CYLC2: variants seen among roughly 807,000 people sequenced by gnomAD.
CYLC2 encodes the protein cylicin-2.
A neutral mutation model predicts 26.1 loss-of-function variants in CYLC2; 30 were observed. The observed-to-expected ratio is 1.15, with a 90% CI of 0.86 to 1.56. The LOEUF (loss-of-function observed/expected upper bound fraction) is 1.56, where lower values mean the gene tolerates loss of function less well. Ranked by LOEUF, CYLC2 falls within the 40% of genes most tolerant of loss-of-function variation. CYLC2 has a pLI of 0.00. For missense variants in CYLC2, 498 were observed against 394.4 expected (o/e 1.26, Z -2.23); for synonymous variants, 158 against 132.8 (o/e 1.19, Z -1.31).
rs767451176 is a variant in CYLC2 at position 102,995,434 on chromosome 9, C to T, written c.17+37C>T. 7.4e-6 allele frequency: 11 copies of T among 1,487,942 alleles called. No homozygotes were observed. In the South Asian group the frequency reaches 1.2e-4, roughly 17 times the overall value. 92.2% of individuals were successfully genotyped at this position (1,487,942 alleles called of 1,614,324 possible). On this transcript the variant is annotated intron_variant, in intron 1 of 7. Coordinates refer to ENST00000374798, the MANE Select transcript of CYLC2 (RefSeq NM_001340.5). Reference sequence around the variant, plus strand: ...TTTATGTTTTAAAATAACTGAAATACTCGTTAGCTTTACATTTAACTTCTT... The same window carrying T: ...TTTATGTTTTAAAATAACTGAAATATTCGTTAGCTTTACATTTAACTTCTT...
intron 5 of CYLC2, among the ~76,000 whole-genome samples, chr9:103,010,108 A>C (rs529676936): frequency 6.6e-6 from 1 of 152,046 alleles, no homozygotes; most frequent in African/African-American, 2.4e-5. Flanking sequence ...AATTGATTCA[A>C]ACTTATTTTC....
At position 103,005,387 on chromosome 9, in the gene CYLC2, C is replaced by A; in HGVS notation, c.756C>A (p.Asn252Lys). The A allele has an allele frequency of 6.2e-7, 1 of 1,613,628 alleles. No individual in the cohort carries two copies. Among genetic ancestry groups the A allele is most frequent in the Non-Finnish European group, 8.5e-7 (1 of 1,179,916 alleles). The stretch of plus-strand genomic sequence containing the variant: ...ATGAGGATGGAAAAAAAGATGCAAA[C>A]AAAGGTGATGAATCGAAGGATGCCA... The part of the protein sequence containing the change: ...KKDEDGKKDA[N>K]KGDESKDAKK... The change falls in exon 5 of 8, where the codon AAC (asparagine) becomes AAA (lysine). Residue 252 changes from asparagine (N) to lysine (K), a missense_variant. Coordinates refer to ENST00000374798, the MANE Select transcript of CYLC2 (RefSeq NM_001340.5).
chr9:103,007,911 AAG>A (rs1829368270), intron 5 of CYLC2, among the ~76,000 whole-genome samples: 1 of 152,062 alleles, frequency 6.6e-6, no homozygotes, highest in Admixed American at 6.6e-5. Flanking sequence ...ATCAACTACT[AAG>A]AGTCAGTGGT....
At chr9:103,006,456 C>T (rs1829352147) in intron 5 of CYLC2, 78 bp downstream of exon 5, 1 of 151,064 alleles carries the variant, frequency 6.6e-6, no homozygotes, top group Admixed American at 6.6e-5. Flanking sequence ...CTCTGTCGCC[C>T]AGGCTGGAGG....
chr9:103,013,271 T>TTATA (rs1230815081), intron 6 of CYLC2, among the ~76,000 whole-genome samples: 6 of 101,444 alleles, frequency 5.9e-5, no homozygotes. Flanking sequence ...GTTATATATA[T>TTATA]TATATATAAC....
intron 5 of CYLC2, among the ~76,000 whole-genome samples, chr9:103,009,014 C>T (rs1336841566): frequency 6.6e-6 from 1 of 152,150 alleles, no homozygotes; most frequent in Admixed American, 6.5e-5. Flanking sequence ...TGTGACAACA[C>T]TATTCCTTTT....
chr9:103,001,202 A>G (rs1564096531), intron 1 of CYLC2, among the ~76,000 whole-genome samples: 1 of 151,770 alleles, frequency 6.6e-6, no homozygotes, highest in Non-Finnish European at 1.5e-5. Context: ...GAGAATTTGG[A>G]GCATGAACTG....
At chr9:102,998,773 C>G (rs1013171445) in intron 1 of CYLC2, among the ~76,000 whole-genome samples, 1 of 151,896 alleles carries the variant, frequency 6.6e-6, no homozygotes, top group African/African-American at 2.4e-5. Flanking sequence ...TCCAGTCAAT[C>G]CAACTTGCTT....
In CYLC2 at chr9:103,014,381, T is replaced by C. The variant is rs1184758200; in HGVS notation, c.*816+2284T>C. 2.2e-5 allele frequency among the ~76,000 whole-genome samples: 3 copies of C among 133,686 alleles called. No homozygotes were observed. The East Asian group carries it at 7.0e-4, about 31-fold the overall frequency. 87.7% of individuals were successfully genotyped at this position (133,686 alleles called of 152,430 possible). On this transcript the variant is annotated intron_variant, in intron 6 of 7. Transcript: ENST00000374798. ...TATTACATAATATACATTATGTATA[T>C]TACGTAATATAACATAATGTATGTT...
At chr9:103,006,902 A>G (rs370919069) in intron 5 of CYLC2, among the ~76,000 whole-genome samples, 10 of 152,278 alleles carry the variant, frequency 6.6e-5, no homozygotes, top group South Asian at 4.1e-4. Flanking sequence ...ATCAATGCTA[A>G]GAGAATGAAC....
In CYLC2 at chr9:103,011,137, T is replaced by C. The variant is rs143819161; in HGVS notation, c.*701-845T>C. On this transcript the variant is annotated intron_variant, in intron 5 of 7. Coordinates refer to ENST00000374798, the MANE Select transcript of CYLC2 (RefSeq NM_001340.5). Reference sequence around the variant, plus strand: ...GCATTGAGAGAGTCACAGTTAACATTGAAACAGTACATACATGCATATACG... The same window carrying C: ...GCATTGAGAGAGTCACAGTTAACATCGAAACAGTACATACATGCATATACG... 5.8e-3 allele frequency among the ~76,000 whole-genome samples: 882 copies of C among 152,210 alleles called. 10 individuals carry two copies. The highest frequency in any genetic ancestry group is 0.02 in the African/African-American group (841 of 41,558).
rs767039032 is a variant in CYLC2, at chr9:103,003,253, A to G, written c.170A>G (p.Asn57Ser). 1.9e-6 allele frequency: 3 copies of G among 1,613,202 alleles called. No homozygotes were observed. The South Asian group carries it at 3.3e-5, about 18-fold the overall frequency. The change falls in exon 3 of 8, where the codon AAC (asparagine) becomes AGC (serine). Residue 57 changes from asparagine to serine, a missense_variant. By Grantham distance (46) the Asn-to-Ser change is conservative. Coordinates refer to ENST00000374798, the MANE Select transcript of CYLC2 (RefSeq NM_001340.5). ...TCAAAACCTTCTCAAATACGGGACA[A>G]CACGGTTTCTGTAAGCATTGGAAAG... ...RRSKPSQIRD[N>S]TVSIIDEEQL...
chr9:103,014,380 A>G (rs1240496654), intron 6 of CYLC2, among the ~76,000 whole-genome samples: 1 of 133,724 alleles, frequency 7.5e-6, no homozygotes, highest in African/African-American at 2.7e-5. Flanking sequence ...CATTATGTAT[A>G]TTACGTAATA....
At chr9:102,998,445 C>T (rs1055905885) in intron 1 of CYLC2, among the ~76,000 whole-genome samples, 27 of 152,010 alleles carry the variant, frequency 1.8e-4, no homozygotes, top group Non-Finnish European at 3.7e-4. Flanking sequence ...AATGCAAATG[C>T]ACCCTGACCT....
Position 103,005,466 on chromosome 9 carries a change from A to T in CYLC2, c.835A>T (p.Ser279Cys), listed in dbSNP as rs755969012. The change falls in exon 5 of 8, where the codon AGT becomes TGT. Residue 279 changes from serine to cysteine, a missense_variant. Physicochemically the swap from Ser to Cys is moderately radical, Grantham distance 112 (BLOSUM62 -1). Coordinates refer to ENST00000374798, the MANE Select transcript of CYLC2 (RefSeq NM_001340.5). ...TAAGAAAGATAAGAAGAAGCCCAGT[A>T]GTACAGACAGTGACTCAAAGGATGA... ...KGKKDKKKPS[S>C]TDSDSKDDVK... 3 of 1,613,754 alleles carry T rather than the reference A, an allele frequency of 1.9e-6. No homozygotes were observed. The Admixed American group carries it at 5.0e-5, about 27-fold the overall frequency.
chr9:102,997,886 A>AT (rs1829253396), intron 1 of CYLC2, among the ~76,000 whole-genome samples: 1 of 151,968 alleles, frequency 6.6e-6, no homozygotes, highest in Middle Eastern at 3.2e-3. Flanking sequence ...CCTGAAAAAA[A>AT]TTTTTTATGG....
Position 103,005,218 on chromosome 9 carries a change from C to G in CYLC2, c.587C>G (p.Ser196Ter), listed in dbSNP as rs868762857. The G allele has an allele frequency of 1.2e-6, 2 of 1,608,696 alleles. No homozygotes were observed. Among genetic ancestry groups the G allele is most frequent in the South Asian group, 1.1e-5 (1 of 90,536 alleles). ...KKDNKKDKKD[S>*]NKGKDSATES... ...GATAACAAAAAAGATAAAAAGGATT[C>G]AAACAAAGGCAAAGACTCGGCAACA... The change falls in exon 5 of 8, where the codon TCA becomes TGA. Residue 196 changes from serine (S) to a stop codon, truncating the protein, a stop_gained. Transcript: ENST00000374798. LOFTEE classifies it high-confidence loss of function.
chr9:103,012,312 TCA>T (rs1829415967), intron 6 of CYLC2, among the ~76,000 whole-genome samples: 1 of 152,030 alleles, frequency 6.6e-6, no homozygotes, highest in Non-Finnish European at 1.5e-5. Flanking sequence ...TGGCCTCCTT[TCA>T]GTCATTTAGT....
chr9:103,009,540 C>T (rs1324470449), intron 5 of CYLC2, among the ~76,000 whole-genome samples: 1 of 152,004 alleles, frequency 6.6e-6, no homozygotes, highest in African/African-American at 2.4e-5. Context: ...GGGGTAACTA[C>T]CCCTTCAAAG....
Sources: gnomAD v4.1 joint callset for allele counts (sites outside exome capture counted in the v4.1 genomes callset) on GRCh38, gnomAD v4.1.1 for gene constraint, MANE v1.5 for transcripts, NCBI Gene and HGNC (gene_info 2026-07-23, HGNC 2026-07-21) for gene names.